PRKD3: variants seen among roughly 807,000 people sequenced by gnomAD.
The protein encoded by PRKD3 is protein kinase D3.
A neutral mutation model predicts 99.2 loss-of-function variants in PRKD3; 47 were observed. The observed-to-expected ratio is 0.47, with a 90% CI of 0.38 to 0.60. PRKD3 has a LOEUF of 0.60. Among genes scored for constraint, PRKD3 ranks in the 20% least tolerant of loss-of-function variants. The probability of loss-of-function intolerance (pLI) is 0.00; values close to 1 mark genes in which losing one functional copy is unlikely to be tolerated. For synonymous variants in PRKD3, 392 were observed against 355.4 expected (o/e 1.10, Z -1.16); for missense variants, 1,019 against 1,088.4 (o/e 0.94, Z 0.90).
At chr2:37,258,848 AAT>A (rs1668182095) in intron 16 of PRKD3, among the ~76,000 whole-genome samples, 1 of 152,214 alleles carries the variant, frequency 6.6e-6, no homozygotes, top group South Asian at 2.1e-4. Flanking sequence ...CATTTGTCTA[AAT>A]GTACATGTTT....
intron 2 of PRKD3, among the ~76,000 whole-genome samples, chr2:37,310,857 A>G (rs1390670634): frequency 1.3e-5 from 2 of 152,222 alleles, no homozygotes; most frequent in East Asian, 1.9e-4. Flanking sequence ...TAATCTTGCA[A>G]TAATACCTTA....
At chr2:37,323,729 C>T (rs1386738213) in intron 1 of PRKD3, among the ~76,000 whole-genome samples, 5 of 152,148 alleles carry the variant, frequency 3.3e-5, no homozygotes, top group African/African-American at 4.8e-5. Context: ...CAAATTAAGG[C>T]ATTTAAAAGT....
intron 13 of PRKD3, chr2:37,267,929 T>C (rs751234011): frequency 8.8e-5 from 17 of 193,854 alleles, no homozygotes; most frequent in Non-Finnish European, 1.5e-4. Flanking sequence ...TTTAACCATG[T>C]ACCCACAAAC....
intron 5 of PRKD3, among the ~76,000 whole-genome samples, chr2:37,287,371 C>T (rs1670170328): frequency 1.4e-5 from 2 of 147,380 alleles, no homozygotes; most frequent in Admixed American, 1.4e-4. Context: ...TTTTCCTTTT[C>T]TTCCCTTTTT....
intron 2 of PRKD3, among the ~76,000 whole-genome samples, chr2:37,312,326 G>A (rs1268509527): frequency 6.6e-6 from 1 of 152,144 alleles, no homozygotes; most frequent in African/African-American, 2.4e-5. Context: ...ATCTGACAAG[G>A]AGCTTGGTTC....
chr2:37,297,247 T>C (rs13414561), intron 2 of PRKD3, among the ~76,000 whole-genome samples: 6,802 of 152,244 alleles, frequency 0.045, 169 homozygotes, highest in African/African-American at 0.052. Flanking sequence ...GTTAAGCTCC[T>C]GAGGAATAGG....
At chr2:37,260,677 T>G (rs1037450807) in intron 14 of PRKD3, among the ~76,000 whole-genome samples, 17 of 152,184 alleles carry the variant, frequency 1.1e-4, no homozygotes, top group African/African-American at 3.4e-4. Context: ...AATCTGACAC[T>G]GCTCTAATTT....
At chr2:37,288,258 C>T (rs1670216497) in intron 5 of PRKD3, among the ~76,000 whole-genome samples, 1 of 152,152 alleles carries the variant, frequency 6.6e-6, no homozygotes, top group Non-Finnish European at 1.5e-5. Context: ...GATGCACTAA[C>T]TTTTTCCTAC....
intron 6 of PRKD3, among the ~76,000 whole-genome samples, chr2:37,284,426 G>C (rs1255954243): frequency 6.6e-6 from 1 of 152,064 alleles, no homozygotes; most frequent in Admixed American, 6.6e-5. Flanking sequence ...ATTTATTTTA[G>C]TTCCTCTACA....
At position 37,293,248 on chromosome 2, in the gene PRKD3, G is replaced by A. The variant is rs769391313; in HGVS notation, c.312C>T (p.Gly104=). 3 of 1,600,062 alleles carry A rather than the reference G, an allele frequency of 1.9e-6. No individual in the cohort carries two copies. The highest frequency in any genetic ancestry group is 1.7e-5 in the Admixed American group (1 of 59,896). ...YQKFPECGFF[G]MYDKILLFRH... is the part of the protein sequence containing the mutation. ...GAAAGAGAAGAATTTTGTCATACAT[G>A]CCAAAGAATCCACACTCTGGAAACT... is the stretch of plus-strand genomic sequence containing the variant. Residue 104 remains glycine, a synonymous_variant, in exon 3 of 19, where the codon GGC becomes GGT. Coordinates refer to ENST00000234179, the MANE Select transcript of PRKD3 (RefSeq NM_005813.6).
At chr2:37,296,815 G>T (rs1670695136) in intron 2 of PRKD3, among the ~76,000 whole-genome samples, 1 of 150,840 alleles carries the variant, frequency 6.6e-6, no homozygotes, top group South Asian at 2.1e-4. Flanking sequence ...CAGGAGAACG[G>T]CGTGAACCCG....
At chr2:37,313,724 C>T (rs1204652861) in intron 2 of PRKD3, among the ~76,000 whole-genome samples, 1 of 152,170 alleles carries the variant, frequency 6.6e-6, no homozygotes, top group Non-Finnish European at 1.5e-5. Context: ...GACAGTCCCT[C>T]ACTTAAGATG....
rs368820541 is a variant in PRKD3 at position 37,272,364 on chromosome 2, T to A, written c.1704+16A>T. The A allele has an allele frequency of 6.2e-7, 1 of 1,602,640 alleles. No individual in the cohort carries two copies. The highest frequency in any genetic ancestry group is 1.3e-5 in the African/African-American group (1 of 74,160). On this transcript the variant is annotated intron_variant, in intron 12 of 18. Transcript: ENST00000234179. ...TTAATCACCCAGTTTACACATTAGC[T>A]ATAACGATTACTTACCACATTCTCC... is the stretch of plus-strand genomic sequence containing the variant.
Position 37,317,047 on chromosome 2 carries a change from T to C in PRKD3, c.-523A>G. 1.4e-5 allele frequency: 14 copies of C among 985,964 alleles called. No homozygotes were observed. Among genetic ancestry groups the C allele is most frequent in the Non-Finnish European group, 1.6e-5 (13 of 830,366 alleles). 61.1% of individuals were successfully genotyped at this position (985,964 alleles called of 1,614,324 possible). On this transcript the variant is annotated 5_prime_UTR_variant, in exon 2 of 19. Coordinates refer to ENST00000234179, the MANE Select transcript of PRKD3 (RefSeq NM_005813.6). ...CCACACCTTAAATCACCTTCTCAAA[T>C]GTCCTCATTTTCATTCTGGGGGGAT...
Position 37,256,685 on chromosome 2 carries a change from G to T in PRKD3, c.2390C>A (p.Pro797Gln). Residue 797 changes from proline (P) to glutamine (Q), a missense_variant, in exon 17 of 19, where the codon CCA (proline) becomes CAA (glutamine). Physicochemically the swap from Pro to Gln is moderately conservative, Grantham distance 76. This residue lies in a region of PRKD3 where 125 missense variants were observed against 120.6 expected (regional missense o/e 1.04). Transcript: ENST00000234179. ...QNAAFMYPPN[P>Q]WREISGEAID... The stretch of plus-strand genomic sequence containing the variant: ...ACCTTCACCAGAAATTTCTCTCCAT[G>T]GATTTGGTGGGTACATAAATGCAGC... 3 of 1,241,886 alleles carry T rather than the reference G, an allele frequency of 2.4e-6. No individual in the cohort carries two copies. Among genetic ancestry groups the T allele is most frequent in the Non-Finnish European group, 3.3e-6 (3 of 899,070 alleles). 76.9% of individuals were successfully genotyped at this position (1,241,886 alleles called of 1,614,324 possible).
chr2:37,283,920 A>AAT, intron 6 of PRKD3, among the ~76,000 whole-genome samples: 1 of 151,654 alleles, frequency 6.6e-6, no homozygotes, highest in African/African-American at 2.4e-5. Context: ...AAAAAAAAAA[A>AAT]ATTCAGAGCC....
chr2:37,257,754 A>G (rs1668098191), intron 16 of PRKD3, among the ~76,000 whole-genome samples: 1 of 151,564 alleles, frequency 6.6e-6, no homozygotes, highest in Admixed American at 6.6e-5. Flanking sequence ...TTTCCTAAGG[A>G]TGTTATAAAC....
chr2:37,282,437 A>T, intron 7 of PRKD3, 105 bp downstream of exon 7: 1 of 765,740 alleles, frequency 1.3e-6, no homozygotes, highest in Non-Finnish European at 2.2e-6. Context: ...GAAAATCTTT[A>T]AGAAACAAAA....
rs542303551 is a variant in PRKD3 at position 37,282,087 on chromosome 2, G to A, written c.988+455C>T. On this transcript the variant is annotated intron_variant, in intron 7 of 18. Coordinates refer to ENST00000234179, the MANE Select transcript of PRKD3 (RefSeq NM_005813.6). ...CTGCCACCTACTGGCTATATTTCTG[G>A]GGCAAGTTATTTCATGTATTTGTGC... Among the ~76,000 whole-genome samples the A allele has an allele frequency of 1.2e-4, 19 of 152,226 alleles. 2 individuals carry two copies. In the South Asian group the frequency reaches 2.7e-3, roughly 22 times the overall value.
Sources: gnomAD v4.1 joint callset for allele counts (sites outside exome capture counted in the v4.1 genomes callset) on GRCh38, gnomAD v4.1.1 for gene constraint, gnomAD v4.1.1 regional missense constraint, MANE v1.5 for transcripts, NCBI Gene and HGNC (gene_info 2026-07-23, HGNC 2026-07-21) for gene names.